Variants in ANXA4 observed in about 807,000 individuals in gnomAD.
The protein encoded by ANXA4 is 35-beta calcimedin.
A neutral mutation model predicts 49.8 loss-of-function variants in ANXA4; 39 were observed. The observed-to-expected ratio is 0.78, with a 90% CI of 0.61 to 1.02. The LOEUF (loss-of-function observed/expected upper bound fraction) is 1.02, where lower values mean the gene tolerates loss of function less well. Among genes scored for constraint, ANXA4 ranks in the 50% least tolerant of loss-of-function variants. The pLI, the probability that ANXA4 is intolerant of heterozygous loss-of-function variation, is 0.00. For missense variants in ANXA4, 360 were observed against 410.1 expected (o/e 0.88, Z 1.05); for synonymous variants, 134 against 152.5 (o/e 0.88, Z 0.89).
intron 2 of ANXA4, among the ~76,000 whole-genome samples, chr2:69,719,463 G>A (rs1046855175): frequency 8.1e-5 from 12 of 147,368 alleles, no homozygotes; most frequent in East Asian, 8.0e-4. Context: ...TTTTTGAGAC[G>A]GAGTCTTGCT....
chr2:69,804,159 A>AAAC (rs869141655), intron 3 of ANXA4, among the ~76,000 whole-genome samples: 5,723 of 144,682 alleles, frequency 0.04, 447 homozygotes, highest in African/African-American at 0.15. Context: ...AAAAAAAAAA[A>AAAC]TATTCTAGAG....
At chr2:69,749,649 A>G (rs1281320413) in intron 1 of ANXA4, among the ~76,000 whole-genome samples, 1 of 151,972 alleles carries the variant, frequency 6.6e-6, no homozygotes, top group African/African-American at 2.4e-5. Context: ...TATAAAAATG[A>G]TGGAGGCTCT....
At chr2:69,810,442 G>T in intron 6 of ANXA4, 152 bp from the exon 7 acceptor site, 1 of 633,312 alleles carries the variant, frequency 1.6e-6, no homozygotes, top group South Asian at 1.8e-5. Context: ...CCAGAGTTTA[G>T]TTTTTGAAAA....
intron 2 of ANXA4, among the ~76,000 whole-genome samples, chr2:69,787,487 C>G (rs1382563328): frequency 6.6e-6 from 1 of 152,200 alleles, no homozygotes; most frequent in Non-Finnish European, 1.5e-5. Flanking sequence ...CTCCTTTCTC[C>G]TGTTTACTGG....
At chr2:69,807,863 G>C in intron 5 of ANXA4, 43 bp from the exon 6 acceptor site, 6 of 1,561,070 alleles carry the variant, frequency 3.8e-6, no homozygotes, top group Non-Finnish European at 5.3e-6. Flanking sequence ...CCTCAGCTTT[G>C]TAAACTGGCT....
intron 2 of ANXA4, among the ~76,000 whole-genome samples, chr2:69,787,081 C>T (rs943549285): frequency 1.3e-5 from 2 of 152,162 alleles, no homozygotes; most frequent in African/African-American, 4.8e-5. Flanking sequence ...GATTTTGAAG[C>T]AAACCCAAGA....
intron 2 of ANXA4, among the ~76,000 whole-genome samples, chr2:69,658,974 G>A (rs916528391): frequency 6.6e-6 from 1 of 152,222 alleles, no homozygotes; most frequent in Non-Finnish European, 1.5e-5. Flanking sequence ...GGGATTACAG[G>A]CGTGAGCCAC....
At chr2:69,810,746 A>C in intron 7 of ANXA4, 73 bp downstream of exon 7, 69 of 1,222,014 alleles carry the variant, frequency 5.6e-5, no homozygotes, top group Non-Finnish European at 8.1e-5. Context: ...AGCCTTTCTC[A>C]TCCTTTCAGC....
chr2:69,748,045 G>A (rs1390562234), intron 1 of ANXA4, among the ~76,000 whole-genome samples: 2 of 151,882 alleles, frequency 1.3e-5, no homozygotes, highest in Non-Finnish European at 2.9e-5. Context: ...GCCCTCTGAA[G>A]GTTTGCTGAA....
upstream of ANXA4, among the ~76,000 whole-genome samples, chr2:69,737,180 C>G (rs1364315310): frequency 6.6e-6 from 1 of 152,160 alleles, no homozygotes; most frequent in African/African-American, 2.4e-5. Context: ...GATGCCATTC[C>G]GATTCTGGAT....
At chr2:69,737,734 G>T (rs1670279995), upstream of ANXA4, among the ~76,000 whole-genome samples, 1 of 152,112 alleles carries the variant, frequency 6.6e-6, no homozygotes, top group East Asian at 1.9e-4. Context: ...AAGCAGCAGG[G>T]ACTACAGGCT....
At chr2:69,669,347 C>T (rs1256703915) in intron 2 of ANXA4, among the ~76,000 whole-genome samples, 5 of 151,772 alleles carry the variant, frequency 3.3e-5, no homozygotes, top group Admixed American at 1.3e-4. Context: ...CAGTGGCTCA[C>T]GCCTGCAATC....
chr2:69,751,369 A>G (rs1244814092), intron 1 of ANXA4, among the ~76,000 whole-genome samples: 2 of 152,028 alleles, frequency 1.3e-5, no homozygotes, highest in Non-Finnish European at 2.9e-5. Flanking sequence ...TTGGCCAGGC[A>G]TGGTGGCACA....
chr2:69,676,530 T>A (rs1035927168), intron 2 of ANXA4, among the ~76,000 whole-genome samples: 2 of 152,244 alleles, frequency 1.3e-5, no homozygotes, highest in African/African-American at 4.8e-5. Flanking sequence ...TTCAATTTTT[T>A]AAAAATAGTG....
intron 3 of ANXA4, among the ~76,000 whole-genome samples, chr2:69,797,254 G>T (rs1558509672): frequency 6.6e-6 from 1 of 152,028 alleles, no homozygotes; most frequent in Non-Finnish European, 1.5e-5. Context: ...AGGGAGGAGG[G>T]GACACAGTAG....
intron 2 of ANXA4, among the ~76,000 whole-genome samples, chr2:69,685,273 T>G (rs1036231786): frequency 6.6e-6 from 1 of 152,188 alleles, no homozygotes; most frequent in Non-Finnish European, 1.5e-5. Flanking sequence ...CTCTTGGCTT[T>G]GACAGAGTTA....
intron 1 of ANXA4, among the ~76,000 whole-genome samples, chr2:69,776,167 G>A (rs1192935390): frequency 6.6e-6 from 1 of 151,722 alleles, no homozygotes; most frequent in African/African-American, 2.4e-5. Context: ...TTAGAGATAG[G>A]GTTTCACCAT....
At chr2:69,721,250 A>G (rs1203554277) in intron 3 of ANXA4, among the ~76,000 whole-genome samples, 1 of 152,250 alleles carries the variant, frequency 6.6e-6, no homozygotes, top group East Asian at 1.9e-4. Context: ...TGCTCATTTA[A>G]GCTAATTGTC....
intron 2 of ANXA4, among the ~76,000 whole-genome samples, chr2:69,660,620 A>G (rs78921396): frequency 0.018 from 2,676 of 152,304 alleles, 37 homozygotes; most frequent in Non-Finnish European, 0.028. Flanking sequence ...AACAACAGAT[A>G]AATCTAGAGA....
Sources: allele counts gnomAD v4.1 joint callset (sites outside exome capture counted in the v4.1 genomes callset), GRCh38; gene constraint gnomAD v4.1.1; transcripts MANE v1.5; gene names NCBI Gene and HGNC (gene_info 2026-07-23, HGNC 2026-07-21).